Variants in TANC2 observed in about 807,000 individuals in gnomAD.
TANC2 encodes protein TANC2.
In TANC2, 26 loss-of-function variants were observed where a neutral mutation model predicts 210.5. The ratio of observed to expected loss-of-function variants is 0.12; its 90% CI spans 0.09 to 0.17. TANC2 has a LOEUF of 0.17. Ranked by LOEUF, TANC2 falls within the 10% of genes least tolerant of loss-of-function variation. The pLI, the probability that TANC2 is intolerant of heterozygous loss-of-function variation, is 1.00. For missense variants in TANC2, 2,129 were observed against 2,608.9 expected, an observed-to-expected ratio of 0.82 and a Z score of 4.01; for synonymous variants, 931 against 967.1, an observed-to-expected ratio of 0.96 and a Z score of 0.69.
intron 14 of TANC2, among the ~76,000 whole-genome samples, chr17:63,377,168 G>A (rs1181131410): frequency 1.3e-5 from 2 of 152,236 alleles, no homozygotes; most frequent in African/African-American, 4.8e-5. Context: ...CTCCAGGCCT[G>A]TGATGGGAGG....
chr17:63,169,806 C>T (rs1024905674), intron 5 of TANC2, among the ~76,000 whole-genome samples: 1 of 150,410 alleles, frequency 6.6e-6, no homozygotes, highest in Non-Finnish European at 1.5e-5. Flanking sequence ...AAGTGAGACT[C>T]CATCTCAAAA....
rs567927471 is a variant in TANC2 at position 63,185,407 on chromosome 17, C to T, written c.434-8584C>T. Among the ~76,000 whole-genome samples, 4 of 152,240 alleles carry T rather than the reference C, an allele frequency of 2.6e-5. No individual in the cohort carries two copies. In the South Asian group the frequency reaches 6.2e-4, roughly 24 times the overall value. ...TGCACTTGGCCTTGATGGACATTTT[C>T]AACTTGGGCTATGATGAACAGTTTT... On this transcript the variant is annotated intron_variant, in intron 5 of 27. Coordinates refer to ENST00000689528, the Ensembl canonical transcript of TANC2.
At chr17:63,402,856 G>A (rs765806094) in intron 19 of TANC2, among the ~76,000 whole-genome samples, 1 of 152,092 alleles carries the variant, frequency 6.6e-6, no homozygotes, top group Non-Finnish European at 1.5e-5. Context: ...AACAGTTTTC[G>A]ATAAATCTCA....
chr17:63,095,466 C>T (rs2037353332), intron 3 of TANC2, among the ~76,000 whole-genome samples: 1 of 152,124 alleles, frequency 6.6e-6, no homozygotes, highest in South Asian at 2.1e-4. Flanking sequence ...CCACTGTGCC[C>T]AGCCTTGAGC....
At chr17:63,416,676 C>T (rs2048871360) in intron 26 of TANC2, among the ~76,000 whole-genome samples, 2 of 152,116 alleles carry the variant, frequency 1.3e-5, no homozygotes, top group South Asian at 2.1e-4. Flanking sequence ...CCATGACCTT[C>T]AGAGGCAGAG....
chr17:63,297,014 A>AC (rs1294053363), intron 9 of TANC2, among the ~76,000 whole-genome samples: 2 of 152,168 alleles, frequency 1.3e-5, no homozygotes, highest in African/African-American at 4.8e-5. Context: ...CAAAAAGCAA[A>AC]CAAACAAACT....
chr17:63,349,423 C>T (rs1035159880), intron 12 of TANC2, among the ~76,000 whole-genome samples: 14 of 152,084 alleles, frequency 9.2e-5, no homozygotes, highest in African/African-American at 3.4e-4. Context: ...ACTGGAAAAT[C>T]ATGACTTTCT....
chr17:63,153,734 A>G (rs749581404), intron 5 of TANC2: 4 of 152,134 alleles, frequency 2.6e-5, no homozygotes, highest in Non-Finnish European at 4.4e-5. Context: ...ACCACTATTG[A>G]TATCTGGGGA....
chr17:63,308,397 A>G (rs1316841972), intron 9 of TANC2, among the ~76,000 whole-genome samples: 1 of 152,090 alleles, frequency 6.6e-6, no homozygotes, highest in Non-Finnish European at 1.5e-5. Context: ...TATAGTGAGT[A>G]GTAGTCTTCA....
chr17:63,132,216 C>T (rs2038942767), intron 4 of TANC2, among the ~76,000 whole-genome samples: 1 of 151,956 alleles, frequency 6.6e-6, no homozygotes, highest in South Asian at 2.1e-4. Context: ...TGCAGCACTG[C>T]TTCTACCTCT....
intron 7 of TANC2, among the ~76,000 whole-genome samples, chr17:63,201,336 A>G (rs1402503316): frequency 6.6e-6 from 1 of 152,222 alleles, no homozygotes; most frequent in Non-Finnish European, 1.5e-5. Flanking sequence ...TTAAGTGGCG[A>G]AAGAGTTATG....
At chr17:63,320,183 T>A (rs1435527067) in intron 11 of TANC2, among the ~76,000 whole-genome samples, 1 of 152,240 alleles carries the variant, frequency 6.6e-6, no homozygotes, top group East Asian at 1.9e-4. Flanking sequence ...TAGGGGTTTA[T>A]GAAATGCCTC....
chr17:63,328,154 C>T (rs573939235), intron 11 of TANC2, among the ~76,000 whole-genome samples: 1 of 152,140 alleles, frequency 6.6e-6, no homozygotes, highest in African/African-American at 2.4e-5. Context: ...CACATGGACA[C>T]AAGAAAGAGA....
At chr17:63,276,447 A>C (rs1420029760) in intron 9 of TANC2, among the ~76,000 whole-genome samples, 1 of 151,600 alleles carries the variant, frequency 6.6e-6, no homozygotes, top group Non-Finnish European at 1.5e-5. Context: ...AATGTGAGGA[A>C]GCATATAAAA....
At chr17:63,222,720 AACACACACACAC>A (rs58881477) in intron 7 of TANC2, among the ~76,000 whole-genome samples, 5 of 148,864 alleles carry the variant, frequency 3.4e-5, no homozygotes, top group South Asian at 2.1e-4. Context: ...AAACTGATTA[AACACACACACAC>A]ACACACACAC....
intron 9 of TANC2, among the ~76,000 whole-genome samples, chr17:63,290,963 A>G (rs1024012009): frequency 6.6e-6 from 1 of 152,180 alleles, no homozygotes; most frequent in Non-Finnish European, 1.5e-5. Context: ...TACTAAATGG[A>G]TGGATGTGGA....
chr17:63,355,426 T>C (rs2046752460), intron 14 of TANC2, 36 bp downstream of exon 14: 1 of 1,495,760 alleles, frequency 6.7e-7, no homozygotes, highest in Non-Finnish European at 8.9e-7. Context: ...ATTCTGAGTC[T>C]GTTTTCTGTT....
At position 63,054,858 on chromosome 17, in the gene TANC2, A is replaced by G. The variant is rs930629620; in HGVS notation, c.68-19085A>G. On this transcript the variant is annotated intron_variant, in intron 2 of 27. Coordinates refer to ENST00000689528, the Ensembl canonical transcript of TANC2. The stretch of plus-strand genomic sequence containing the variant: ...TACCTGAATAGTAAAACTTTAATCT[A>G]TATGTATCCATTGTATTCCTTGTGG... Among the ~76,000 whole-genome samples, 7 of 152,198 alleles carry G rather than the reference A, an allele frequency of 4.6e-5. No homozygotes were observed. In the South Asian group the frequency reaches 8.3e-4, roughly 18 times the overall value.
chr17:63,321,473 T>G (rs571192539), intron 11 of TANC2, among the ~76,000 whole-genome samples: 1 of 152,326 alleles, frequency 6.6e-6, no homozygotes, highest in South Asian at 2.1e-4. Context: ...AAAAAACTGA[T>G]TAGAAGCTTG....
Sources: gnomAD v4.1 joint callset for allele counts (sites outside exome capture counted in the v4.1 genomes callset) on GRCh38, gnomAD v4.1.1 for gene constraint, MANE v1.5 for transcripts, NCBI Gene and HGNC (gene_info 2026-07-23, HGNC 2026-07-21) for gene names.